SH3BP4: variants seen among roughly 807,000 people sequenced by gnomAD.
The protein encoded by SH3BP4 is SH3 domain binding protein 4, also known as SH3 domain-binding protein 4.
SH3BP4 carries 33 observed loss-of-function variants against 65.5 expected under a neutral mutation model. The observed-to-expected ratio is 0.50, with a 90% CI of 0.38 to 0.67. The LOEUF (loss-of-function observed/expected upper bound fraction) is 0.67. Among genes scored for constraint, SH3BP4 ranks in the 30% least tolerant of loss-of-function variants. The pLI, the probability that SH3BP4 is intolerant of heterozygous loss-of-function variation, is 0.00. For missense variants in SH3BP4, 1,134 were observed against 1,261.4 expected (o/e 0.90, Z 1.53); for synonymous variants, 552 against 545.5 (o/e 1.01, Z -0.17).
chr2:234,984,081 G>T (rs1260345357), intron 1 of SH3BP4, among the ~76,000 whole-genome samples: 5 of 152,240 alleles, frequency 3.3e-5, no homozygotes, highest in Non-Finnish European at 7.3e-5. Flanking sequence ...TGACACGTGG[G>T]CTGGGGCCAC....
intron 2 of SH3BP4, among the ~76,000 whole-genome samples, chr2:235,011,893 G>A (rs951242426): frequency 2.6e-5 from 4 of 152,198 alleles, no homozygotes; most frequent in African/African-American, 7.2e-5. Context: ...TCCGTTGAGC[G>A]GTTGCTGCTG....
At chr2:235,020,093 A>T (rs374442092) in intron 2 of SH3BP4, among the ~76,000 whole-genome samples, 1 of 152,326 alleles carries the variant, frequency 6.6e-6, no homozygotes, top group African/African-American at 2.4e-5. Context: ...AGTGAAACAG[A>T]CACCACTGAG....
chr2:235,031,653 C>G (rs1426419369), intron 2 of SH3BP4, among the ~76,000 whole-genome samples: 6 of 152,238 alleles, frequency 3.9e-5, no homozygotes, highest in African/African-American at 1.4e-4. Flanking sequence ...ACTTGCAGGG[C>G]CAGGTCTTCA....
At chr2:234,982,392 G>A (rs978995763) in intron 1 of SH3BP4, among the ~76,000 whole-genome samples, 4 of 152,208 alleles carry the variant, frequency 2.6e-5, no homozygotes, top group African/African-American at 4.8e-5. Context: ...TGGAGAGGCC[G>A]GAGGGTTACC....
intron 2 of SH3BP4, among the ~76,000 whole-genome samples, chr2:235,004,273 C>G (rs1694223503): frequency 6.6e-6 from 1 of 152,224 alleles, no homozygotes; most frequent in Non-Finnish European, 1.5e-5. Context: ...TGGGCACCTT[C>G]TTAAGGTGTC....
intron 4 of SH3BP4, among the ~76,000 whole-genome samples, chr2:235,044,312 A>G (rs1389070958): frequency 1.3e-5 from 2 of 152,232 alleles, no homozygotes; most frequent in South Asian, 4.1e-4. Context: ...CCACGAGCCA[A>G]CCGGGGAGCA....
chr2:235,038,289 A>AATATATATATTAT (rs1248490146), intron 3 of SH3BP4, among the ~76,000 whole-genome samples: 1 of 22,902 alleles, frequency 4.4e-5, no homozygotes, highest in Admixed American at 1.0e-3. Context: ...TATTATATAT[A>AATATATATATTAT]ATATATATAT....
intron 2 of SH3BP4, among the ~76,000 whole-genome samples, chr2:235,020,074 G>A (rs533621440): frequency 5.9e-5 from 9 of 152,290 alleles, no homozygotes; most frequent in South Asian, 2.1e-4. Context: ...GAGAAAGAAC[G>A]GGAAAGGCAG....
At chr2:234,998,055 G>A (rs887588568) in intron 2 of SH3BP4, among the ~76,000 whole-genome samples, 11 of 152,182 alleles carry the variant, frequency 7.2e-5, no homozygotes, top group Non-Finnish European at 1.2e-4. Context: ...CCCAGGAGGC[G>A]GAGATTGCAG....
In SH3BP4 at chr2:235,042,390, AT is replaced by A; in HGVS notation, c.1622del (p.Met541SerfsTer5). On this transcript the variant is annotated frameshift_variant, in exon 4 of 6. Transcript: ENST00000392011. LOFTEE classifies it high-confidence loss of function. The surrounding 1 kb of genome is among the most constrained non-coding windows in gnomAD (Gnocchi z 7.3). ...LSRPQDLKVC[M>X]FSNMTNYEVK... is the part of the protein sequence containing the mutation. ...CAGGCCCCAGGATCTCAAGGTCTGT[AT>A]GTTTTCCAATATGACGAATTACGAG... is the stretch of plus-strand genomic sequence containing the variant. 3 of 1,614,110 alleles carry A rather than the reference AT, an allele frequency of 1.9e-6. No homozygotes were observed. The highest frequency in any genetic ancestry group is 2.5e-6 in the Non-Finnish European group (3 of 1,180,022).
chr2:234,999,193 G>A (rs768908364), intron 2 of SH3BP4, among the ~76,000 whole-genome samples: 1 of 152,320 alleles, frequency 6.6e-6, no homozygotes, highest in South Asian at 2.1e-4. Context: ...TAAGAACGGC[G>A]CCTGCCTTCT....
chr2:235,004,381 A>G (rs1372914534), intron 2 of SH3BP4, among the ~76,000 whole-genome samples: 1 of 152,204 alleles, frequency 6.6e-6, no homozygotes, highest in Non-Finnish European at 1.5e-5. Flanking sequence ...TATTGAAATG[A>G]AGTTCACATA....
intron 1 of SH3BP4, among the ~76,000 whole-genome samples, chr2:234,963,948 G>C (rs1377543424): frequency 6.6e-6 from 1 of 152,208 alleles, no homozygotes; most frequent in Non-Finnish European, 1.5e-5. Flanking sequence ...CTGTAATTTG[G>C]ATCTTGACTG....
At chr2:235,016,558 A>T (rs1694689402) in intron 2 of SH3BP4, among the ~76,000 whole-genome samples, 1 of 151,772 alleles carries the variant, frequency 6.6e-6, no homozygotes. Context: ...ACCAGGCTGG[A>T]GTACAGTGGC....
At chr2:235,044,605 C>G (rs1009855153) in intron 4 of SH3BP4, among the ~76,000 whole-genome samples, 1 of 152,256 alleles carries the variant, frequency 6.6e-6, no homozygotes, top group South Asian at 2.1e-4. Context: ...GGCTTTCTTG[C>G]ATCCTAGCTT....
intron 1 of SH3BP4, among the ~76,000 whole-genome samples, chr2:234,968,377 CT>C (rs551034590): frequency 0.015 from 1,605 of 105,742 alleles, 11 homozygotes; most frequent in African/African-American, 0.036. Context: ...CAGAGTTGTT[CT>C]TTTTTTTTTT....
At chr2:235,014,969 A>C (rs1019660302) in intron 2 of SH3BP4, among the ~76,000 whole-genome samples, 2 of 152,236 alleles carry the variant, frequency 1.3e-5, no homozygotes, top group Admixed American at 6.5e-5. Context: ...GGTTTTAGCC[A>C]AAAGGTGCTT....
intron 3 of SH3BP4, among the ~76,000 whole-genome samples, chr2:235,040,322 T>C (rs1217248597): frequency 6.6e-6 from 1 of 152,034 alleles, no homozygotes; most frequent in African/African-American, 2.4e-5. Context: ...GAGGAAACAG[T>C]TTGGTGAGGA....
At chr2:234,960,577 T>C (rs577020515) in intron 1 of SH3BP4, among the ~76,000 whole-genome samples, 1 of 152,292 alleles carries the variant, frequency 6.6e-6, no homozygotes, top group Non-Finnish European at 1.5e-5. Context: ...CTTATATGTG[T>C]ATCTTATTGG....
Sources: allele counts gnomAD v4.1 joint callset (sites outside exome capture counted in the v4.1 genomes callset), GRCh38; gene constraint gnomAD v4.1.1; non-coding constraint Gnocchi (gnomAD v3.1); transcripts MANE v1.5; gene names NCBI Gene and HGNC (gene_info 2026-07-23, HGNC 2026-07-21).